The following AVL9 variants were observed in gnomAD, a reference collection of about 807,000 sequenced individuals.
The protein encoded by AVL9 is late secretory pathway protein AVL9 homolog.
Under a neutral mutation model 79.2 loss-of-function variants are expected in AVL9, and 49 were observed. That is an observed-to-expected ratio of 0.62 (90% CI 0.49 to 0.79). The LOEUF (loss-of-function observed/expected upper bound fraction) is 0.79. Ranked by LOEUF, AVL9 falls within the 30% of genes least tolerant of loss-of-function variation. AVL9 has a pLI of 0.00. For missense variants in AVL9, 682 were observed against 776.8 expected (o/e 0.88, Z 1.45); for synonymous variants, 299 against 280.6 (o/e 1.07, Z -0.65).
intron 1 of AVL9, among the ~76,000 whole-genome samples, chr7:32,500,985 T>C (rs1263601385): frequency 1.3e-5 from 2 of 152,144 alleles, no homozygotes; most frequent in African/African-American, 4.8e-5. Flanking sequence ...AGCAGAAGTA[T>C]AAAAGAGCTA....
At position 32,579,493 on chromosome 7, in the gene AVL9, ACATATTATATAT is replaced by A. The variant is rs1791328702; in HGVS notation, c.1689-725_1689-714del. Among the ~76,000 whole-genome samples, 2 of 3,448 alleles carry A rather than the reference ACATATTATATAT, an allele frequency of 5.8e-4. 1 individual carries two copies. Among genetic ancestry groups the A allele is most frequent in the Admixed American group, 0.016 (2 of 126 alleles). 2.3% of individuals were successfully genotyped at this position (3,448 alleles called of 152,430 possible). A position where few individuals can be genotyped will look rare whatever the true frequency, so the allele number is the denominator to read the frequency against. On this transcript the variant is annotated intron_variant, in intron 13 of 15. Coordinates refer to ENST00000318709, the MANE Select transcript of AVL9 (RefSeq NM_015060.3). ...TATATTATATTATATATAATATATT[ACATATTATATAT>A]TATATATTATATTATATATTATATA...
At chr7:32,548,394 C>T (rs1789634617) in intron 3 of AVL9, among the ~76,000 whole-genome samples, 1 of 152,056 alleles carries the variant, frequency 6.6e-6, no homozygotes, top group South Asian at 2.1e-4. Flanking sequence ...GTGACCCACC[C>T]ACCTCAGCCT....
intron 1 of AVL9, chr7:32,532,449 A>T (rs1389222475): frequency 6.6e-6 from 1 of 152,208 alleles, no homozygotes; most frequent in Non-Finnish European, 1.5e-5. Context: ...TTCTGCCTAG[A>T]ATATCTCTAC....
intron 15 of AVL9, 156 bp downstream of exon 15, chr7:32,581,046 AAAATTCC>A (rs139472456): frequency 0.06 from 40,428 of 669,836 alleles, 1,626 homozygotes; most frequent in Non-Finnish European, 0.074. Flanking sequence ...ATTCATTTGA[AAAATTCC>A]AAATTCCAAA....
intron 10 of AVL9, among the ~76,000 whole-genome samples, chr7:32,566,571 TA>T (rs375684065): frequency 1 from 152,072 of 152,072 alleles, 76,036 homozygotes; most frequent in Non-Finnish European, 1. Context: ...ACCTACAATC[TA>T]GTAGGCCAAA....
At chr7:32,512,046 C>T (rs557888950) in intron 1 of AVL9, among the ~76,000 whole-genome samples, 1 of 152,244 alleles carries the variant, frequency 6.6e-6, no homozygotes, top group African/African-American at 2.4e-5. Context: ...TGATGGAATG[C>T]CCATTATGAA....
At chr7:32,525,823 TG>T (rs1223980283) in intron 1 of AVL9, among the ~76,000 whole-genome samples, 1 of 152,208 alleles carries the variant, frequency 6.6e-6, no homozygotes, top group Non-Finnish European at 1.5e-5. Context: ...GGCATCTCAC[TG>T]GGCCTGATTT....
intron 1 of AVL9, among the ~76,000 whole-genome samples, chr7:32,497,220 T>A (rs1189252808): frequency 6.6e-6 from 1 of 152,138 alleles, no homozygotes; most frequent in East Asian, 1.9e-4. Flanking sequence ...CTGCGCGTGG[T>A]GGCACATGCC....
At chr7:32,542,802 G>A (rs1789274966) in intron 1 of AVL9, among the ~76,000 whole-genome samples, 1 of 152,062 alleles carries the variant, frequency 6.6e-6, no homozygotes, top group East Asian at 1.9e-4. Flanking sequence ...GTAGGCTGTT[G>A]GTTTTCCTCA....
intron 3 of AVL9, among the ~76,000 whole-genome samples, chr7:32,548,144 C>CTCTCTTTTTTTTT (rs1227025763): frequency 6.9e-5 from 4 of 57,598 alleles, no homozygotes; most frequent in Admixed American, 2.4e-4. Flanking sequence ...TTTGTCATCT[C>CTCTCTTTTTTTTT]TTTTTTCTTT....
At chr7:32,546,366 C>G (rs913363403) in intron 3 of AVL9, among the ~76,000 whole-genome samples, 7 of 152,120 alleles carry the variant, frequency 4.6e-5, no homozygotes, top group Non-Finnish European at 1.0e-4. Context: ...AAGTAGGTAA[C>G]TACCATGAAG....
In AVL9 at chr7:32,559,359, T is replaced by C; in HGVS notation, c.1110T>C (p.Ile370=). ...CTGTCCCCTCAGAGAGTCTTCCAAT[T>C]ACTGTACAACCTCAAGCTAATACGG... is the stretch of plus-strand genomic sequence containing the variant. ...KDSVPSESLP[I]TVQPQANTGQ... The change falls in exon 10 of 16, where the codon ATT becomes ATC. Residue 370 remains isoleucine, a synonymous_variant. Transcript: ENST00000318709. The C allele has an allele frequency of 6.2e-7, 1 of 1,614,060 alleles. No homozygotes were observed. Among genetic ancestry groups the C allele is most frequent in the Non-Finnish European group, 8.5e-7 (1 of 1,180,016 alleles).
chr7:32,565,032 C>A (rs1323398896), intron 10 of AVL9, among the ~76,000 whole-genome samples: 1 of 152,164 alleles, frequency 6.6e-6, no homozygotes, highest in African/African-American at 2.4e-5. Context: ...TTCTTCCATT[C>A]TTCCCTGATT....
At chr7:32,504,937 G>T (rs139819989) in intron 1 of AVL9, among the ~76,000 whole-genome samples, 1,720 of 152,074 alleles carry the variant, frequency 0.011, 35 homozygotes, top group African/African-American at 0.038. Context: ...GCGGTGGCAT[G>T]ATCTCAGCTC....
chr7:32,552,158 C>T (rs1445118856), intron 5 of AVL9, 71 bp from the exon 6 acceptor site: 4 of 991,802 alleles, frequency 4.0e-6, no homozygotes, highest in South Asian at 2.9e-5. Context: ...CAGCTTTTTT[C>T]TGATCAATAT....
At chr7:32,560,595 A>G (rs986498669) in intron 10 of AVL9, among the ~76,000 whole-genome samples, 20 of 152,118 alleles carry the variant, frequency 1.3e-4, no homozygotes, top group African/African-American at 4.3e-4. Context: ...GAACCCCCCA[A>G]AGTTATTCAT....
chr7:32,527,686 C>G (rs138080911), intron 1 of AVL9, among the ~76,000 whole-genome samples: 1 of 152,130 alleles, frequency 6.6e-6, no homozygotes, highest in African/African-American at 2.4e-5. Flanking sequence ...GATGGGCCCA[C>G]GGCAGGCTGC....
intron 12 of AVL9, among the ~76,000 whole-genome samples, chr7:32,573,913 A>G (rs1384821200): frequency 2.0e-5 from 3 of 152,194 alleles, no homozygotes; most frequent in Non-Finnish European, 2.9e-5. Flanking sequence ...AAGAAATATT[A>G]TTATTCGTAT....
At chr7:32,566,562 C>T (rs1419608235) in intron 10 of AVL9, among the ~76,000 whole-genome samples, 5 of 158 alleles carry the variant, frequency 0.032, no homozygotes. Flanking sequence ...AAAAAAGTTA[C>T]CTACAATCTA....
Sources: allele counts gnomAD v4.1 joint callset (sites outside exome capture counted in the v4.1 genomes callset), GRCh38; gene constraint gnomAD v4.1.1; transcripts MANE v1.5; gene names NCBI Gene and HGNC (gene_info 2026-07-23, HGNC 2026-07-21).